The following PTPRT variants were observed in gnomAD, a reference collection of about 807,000 sequenced individuals.
PTPRT encodes the protein receptor-type tyrosine-protein phosphatase T.
In PTPRT, 56 loss-of-function variants were observed where a neutral mutation model predicts 176.8. The observed-to-expected ratio is 0.32, with a 90% CI of 0.26 to 0.40. The LOEUF (loss-of-function observed/expected upper bound fraction) is 0.40. Ranked by LOEUF, PTPRT falls within the 10% of genes least tolerant of loss-of-function variation. The pLI, the probability that PTPRT is intolerant of heterozygous loss-of-function variation, is 1.00. For synonymous variants in PTPRT, 783 were observed against 739.0 expected (o/e 1.06, Z -0.96); for missense variants, 1,540 against 1,908.2 (o/e 0.81, Z 3.60).
intron 7 of PTPRT, among the ~76,000 whole-genome samples, chr20:42,537,899 A>G (rs2072504650): frequency 6.6e-6 from 1 of 152,202 alleles, no homozygotes; most frequent in Non-Finnish European, 1.5e-5. Context: ...TCATCAGCAT[A>G]AGGTATACCA....
intron 9 of PTPRT, among the ~76,000 whole-genome samples, chr20:42,410,446 G>A (rs1020835873): frequency 1.3e-5 from 2 of 151,390 alleles, no homozygotes; most frequent in African/African-American, 4.9e-5. Context: ...ACAAAACTGA[G>A]AACTGGAAAG....
At chr20:43,099,178 C>T (rs561054510) in intron 1 of PTPRT, among the ~76,000 whole-genome samples, 36 of 151,938 alleles carry the variant, frequency 2.4e-4, no homozygotes, top group African/African-American at 8.5e-4. Context: ...CAGGGGAATA[C>T]GATTAAATCT....
intron 1 of PTPRT, among the ~76,000 whole-genome samples, chr20:42,921,576 C>T (rs922007502): frequency 6.6e-6 from 1 of 152,194 alleles, no homozygotes; most frequent in Admixed American, 6.5e-5. Flanking sequence ...CAGAGCAAAT[C>T]CCTGTCTCTA....
intron 1 of PTPRT, among the ~76,000 whole-genome samples, chr20:43,088,543 C>T (rs1449217690): frequency 1.3e-5 from 2 of 152,070 alleles, no homozygotes; most frequent in Non-Finnish European, 2.9e-5. Flanking sequence ...CAGGAAAGTA[C>T]AGACTCTGGG....
At position 43,010,180 on chromosome 20, in the gene PTPRT, C is replaced by G. The variant is rs766409731; in HGVS notation, c.89-124248G>C. Among the ~76,000 whole-genome samples, 7 of 152,260 alleles carry G rather than the reference C, an allele frequency of 4.6e-5. No individual in the cohort carries two copies. The South Asian group carries it at 1.5e-3, about 32-fold the overall frequency. ...ATGTCGTGAACTCTTCCCACACTGA[C>G]CCACCTGTGTCCTCTGTCCCCATCC... On this transcript the variant is annotated intron_variant, in intron 1 of 30. Transcript: ENST00000373187.
At chr20:42,353,959 T>C (rs1459080991) in intron 9 of PTPRT, among the ~76,000 whole-genome samples, 1 of 151,928 alleles carries the variant, frequency 6.6e-6, no homozygotes, top group Non-Finnish European at 1.5e-5. Flanking sequence ...GGGGCTGAGG[T>C]GGGAAGATGG....
At chr20:42,462,539 T>C (rs1405433011) in intron 8 of PTPRT, among the ~76,000 whole-genome samples, 1 of 152,090 alleles carries the variant, frequency 6.6e-6, no homozygotes, top group Admixed American at 6.6e-5. Flanking sequence ...ATGAGGGCAA[T>C]GAACAAGGTA....
At chr20:43,002,833 G>T (rs1984649831) in intron 1 of PTPRT, among the ~76,000 whole-genome samples, 1 of 151,908 alleles carries the variant, frequency 6.6e-6, no homozygotes, top group African/African-American at 2.4e-5. Flanking sequence ...AGAGTTGAAT[G>T]AAGCAGAAAG....
chr20:42,270,379 C>CCCCGGGGG (rs2146998979), intron 13 of PTPRT: 1 of 1,541,630 alleles, frequency 6.5e-7, no homozygotes, highest in Non-Finnish European at 8.8e-7. Context: ...CCCACCCGCC[C>CCCCGGGGG]AGGGCTCTGG....
In PTPRT at chr20:43,156,121, G is replaced by A. The variant is rs112919817; in HGVS notation, c.88+33525C>T. 3.4e-3 allele frequency among the ~76,000 whole-genome samples: 513 copies of A among 152,290 alleles called. 5 individuals carry two copies. Among genetic ancestry groups the A allele is most frequent in the African/African-American group, 0.011 (477 of 41,556 alleles). On this transcript the variant is annotated intron_variant, in intron 1 of 30. Coordinates refer to ENST00000373187, the MANE Select transcript of PTPRT (RefSeq NM_007050.6). ...GGAGTGCTGGGTGGGTCCTTGTGCT[G>A]GGAGGAACCTTGTTTGGGGGCTTCT...
chr20:42,231,110 G>A (rs926598068), intron 15 of PTPRT, among the ~76,000 whole-genome samples: 3 of 151,098 alleles, frequency 2.0e-5, no homozygotes, highest in African/African-American at 7.4e-5. Context: ...TGCCCCAGCG[G>A]CCTCCTTACC....
chr20:42,655,258 G>A (rs1462097651), intron 7 of PTPRT, among the ~76,000 whole-genome samples: 1 of 152,226 alleles, frequency 6.6e-6, no homozygotes, highest in African/African-American at 2.4e-5. Context: ...GGGAGGCCAA[G>A]GCAGGTGGAT....
intron 1 of PTPRT, among the ~76,000 whole-genome samples, chr20:43,033,184 G>A (rs1046248119): frequency 1.3e-5 from 2 of 152,066 alleles, no homozygotes; most frequent in Non-Finnish European, 2.9e-5. Context: ...CCTCTTTGGG[G>A]ACCTAAAGAA....
intron 11 of PTPRT, among the ~76,000 whole-genome samples, chr20:42,349,060 T>C (rs2058238333): frequency 6.6e-6 from 1 of 152,188 alleles, no homozygotes. Context: ...GTTGGTTCTG[T>C]CTATTTCAAT....
intron 1 of PTPRT, among the ~76,000 whole-genome samples, chr20:43,019,630 A>G (rs1663246365): frequency 6.6e-6 from 1 of 151,742 alleles, no homozygotes; most frequent in African/African-American, 2.4e-5. Context: ...AAAAAAAAAA[A>G]AAAAAAGAAT....
intron 7 of PTPRT, among the ~76,000 whole-genome samples, chr20:42,490,587 A>C (rs546729079): frequency 6.6e-6 from 1 of 152,232 alleles, no homozygotes; most frequent in Admixed American, 6.5e-5. Flanking sequence ...CTCTCTTATT[A>C]CCACAATTTT....
chr20:43,000,926 A>G (rs1051031420), intron 1 of PTPRT, among the ~76,000 whole-genome samples: 3 of 152,216 alleles, frequency 2.0e-5, no homozygotes, highest in Non-Finnish European at 4.4e-5. Flanking sequence ...ATCTCTGAAT[A>G]CCAAGGATTA....
intron 14 of PTPRT, among the ~76,000 whole-genome samples, chr20:42,245,229 G>A (rs902458720): frequency 4.6e-5 from 7 of 152,162 alleles, no homozygotes; most frequent in African/African-American, 1.7e-4. Context: ...AACCACACTG[G>A]TAGTTAACTC....
chr20:42,785,485 C>T (rs1165839761), intron 3 of PTPRT, among the ~76,000 whole-genome samples: 1 of 152,166 alleles, frequency 6.6e-6, no homozygotes, highest in Non-Finnish European at 1.5e-5. Flanking sequence ...GATAGGCCTC[C>T]TTTTCTTGCC....
Sources: allele counts gnomAD v4.1 joint callset (sites outside exome capture counted in the v4.1 genomes callset), GRCh38; gene constraint gnomAD v4.1.1; transcripts MANE v1.5; gene names NCBI Gene and HGNC (gene_info 2026-07-23, HGNC 2026-07-21).